Variants in ADAMTS7 observed in about 807,000 individuals in gnomAD.
ADAMTS7 encodes the protein A disintegrin and metalloproteinase with thrombospondin motifs 7.
A neutral mutation model predicts 172.6 loss-of-function variants in ADAMTS7; 89 were observed. The observed-to-expected ratio is 0.52, with a 90% CI of 0.43 to 0.61. The LOEUF is 0.61. ADAMTS7 is among the 20% of genes least tolerant of loss of function. The pLI is 0.00. For missense variants in ADAMTS7, 1,973 were observed against 2,355.6 expected (o/e 0.84, Z 3.36); for synonymous variants, 885 against 978.4 (o/e 0.90, Z 1.78).
chr15:78,808,798 G>C (rs2055829725), intron 1 of ADAMTS7, among the ~76,000 whole-genome samples: 1 of 152,196 alleles, frequency 6.6e-6, no homozygotes, highest in Admixed American at 6.5e-5. Flanking sequence ...CACCATTCAA[G>C]AGGACTGCCA....
Position 78,798,004 on chromosome 15 carries a change from G to T in ADAMTS7, c.566C>A (p.Pro189Gln). 6.3e-7 allele frequency: 1 copy of T among 1,587,758 alleles called. No homozygotes were observed. Among genetic ancestry groups the T allele is most frequent in the Non-Finnish European group, 8.5e-7 (1 of 1,169,970 alleles). ...ATCACCCCGCTGTGCCAGCCTCTCC[G>T]GGGCCTGACGCTTGTACACCACATG... ...QPHVVYKRQA[P>Q]ERLAQRGDSS... The change falls in exon 3 of 24, where the codon CCG becomes CAG. Residue 189 changes from proline to glutamine, a missense_variant. By Grantham distance (76) the Pro-to-Gln change is moderately conservative (BLOSUM62 -1). Coordinates refer to ENST00000388820, the MANE Select transcript of ADAMTS7 (RefSeq NM_014272.5).
intron 16 of ADAMTS7, among the ~76,000 whole-genome samples, chr15:78,768,999 G>A (rs1377213323): frequency 3.3e-5 from 5 of 152,162 alleles, no homozygotes; most frequent in African/African-American, 7.2e-5. Context: ...TGAAGAGCTC[G>A]TGGCTGGAGG....
At chr15:78,770,185 T>TAAATA (rs56251219) in intron 16 of ADAMTS7, among the ~76,000 whole-genome samples, 43,214 of 149,906 alleles carry the variant, frequency 0.29, 7,787 homozygotes, top group Non-Finnish European at 0.42. Context: ...TAAAATAAAA[T>TAAATA]AAATAAAATA....
intron 8 of ADAMTS7, among the ~76,000 whole-genome samples, chr15:78,786,079 G>GCCA (rs1227210728): frequency 1.3e-5 from 2 of 150,688 alleles, no homozygotes; most frequent in Non-Finnish European, 3.0e-5. Flanking sequence ...ACAGGCACAC[G>GCCA]CCACCACACC....
Position 78,759,389 on chromosome 15 carries a change from G to A in ADAMTS7, c.*32C>T. On this transcript the variant is annotated 3_prime_UTR_variant, in exon 24 of 24. Transcript: ENST00000388820. Reference sequence around the variant, plus strand: ...GCCACAGCCCGTGGTGGGCACTGAGGTCTGTCGGTCGGTCTGTGCATCCTG... The same window carrying A: ...GCCACAGCCCGTGGTGGGCACTGAGATCTGTCGGTCGGTCTGTGCATCCTG... 6.4e-7 allele frequency: 1 copy of A among 1,560,882 alleles called. No homozygotes were observed. Among genetic ancestry groups the A allele is most frequent in the East Asian group, 2.3e-5 (1 of 43,680 alleles).
At chr15:78,802,334 T>C (rs908572139) in intron 1 of ADAMTS7, among the ~76,000 whole-genome samples, 1 of 152,234 alleles carries the variant, frequency 6.6e-6, no homozygotes, top group African/African-American at 2.4e-5. Flanking sequence ...ATGGCAATTA[T>C]GATTGTTATG....
rs376444243 is a variant in ADAMTS7 at position 78,774,753 on chromosome 15, G to A, written c.1747C>T (p.Arg583Cys). ...GCCTGCAGGTTGCAGAGGCGGAAGC[G>A]CTTGCGCTCACCCACACAGTATCTG... ...KGRYCVGERK[R>C]FRLCNLQACP... is the part of the protein sequence containing the mutation. The change falls in exon 12 of 24, where the codon CGC becomes TGC. Residue 583 changes from arginine (R) to cysteine (C), a missense_variant. Arg to Cys is a radical substitution (Grantham distance 180). Around this residue, in one of 8 missense-constraint regions of ADAMTS7, gnomAD observed 526 missense variants for 662.9 expected, o/e 0.79. Coordinates refer to ENST00000388820, the MANE Select transcript of ADAMTS7 (RefSeq NM_014272.5). The A allele has an allele frequency of 5.0e-6, 8 of 1,611,100 alleles. No individual in the cohort carries two copies. Among genetic ancestry groups the A allele is most frequent in the South Asian group, 2.2e-5 (2 of 90,942 alleles).
chr15:78,805,056 T>C (rs1166916911), intron 1 of ADAMTS7, among the ~76,000 whole-genome samples: 1 of 152,198 alleles, frequency 6.6e-6, no homozygotes, highest in Non-Finnish European at 1.5e-5. Context: ...GAGATTCTGG[T>C]TGCACAGATC....
chr15:78,769,840 G>T (rs557274652), intron 16 of ADAMTS7, among the ~76,000 whole-genome samples: 44 of 152,366 alleles, frequency 2.9e-4, no homozygotes, highest in African/African-American at 1.0e-3. Flanking sequence ...AAGTGTATTT[G>T]TTGGTTTTCA....
At position 78,807,195 on chromosome 15, in the gene ADAMTS7, G is replaced by C. The variant is rs114900232; in HGVS notation, c.100+3926C>G. ...CAACCAGCTCTAAAATTCTCAACTG[G>C]GGGAGCTACATGACACTCTTTTAGG... On this transcript the variant is annotated intron_variant, in intron 1 of 23. Coordinates refer to ENST00000388820, the MANE Select transcript of ADAMTS7 (RefSeq NM_014272.5). Among the ~76,000 whole-genome samples, 524 of 152,296 alleles carry C rather than the reference G, an allele frequency of 3.4e-3. 2 individuals are homozygous for C. Among genetic ancestry groups the C allele is most frequent in the African/African-American group, 0.012 (509 of 41,560 alleles).
At chr15:78,805,395 T>C (rs1411902488) in intron 1 of ADAMTS7, among the ~76,000 whole-genome samples, 4 of 152,224 alleles carry the variant, frequency 2.6e-5, no homozygotes, top group Non-Finnish European at 5.9e-5. Context: ...TTGAAAAGTC[T>C]TATCATCCAT....
intron 8 of ADAMTS7, among the ~76,000 whole-genome samples, chr15:78,783,090 G>A (rs1009261233): frequency 1.6e-4 from 24 of 152,064 alleles, no homozygotes; most frequent in Admixed American, 1.4e-3. Context: ...GATTCCTCTC[G>A]GAAAACTGAA....
chr15:78,790,107 C>T (rs2055558594), intron 6 of ADAMTS7, among the ~76,000 whole-genome samples: 1 of 152,196 alleles, frequency 6.6e-6, no homozygotes, highest in African/African-American at 2.4e-5. Flanking sequence ...TGACAGATGC[C>T]TCCAGAGTCC....
chr15:78,780,781 G>A (rs1043420279), intron 8 of ADAMTS7, among the ~76,000 whole-genome samples: 3 of 152,168 alleles, frequency 2.0e-5, no homozygotes, highest in Non-Finnish European at 2.9e-5. Context: ...CTTCTTCCTC[G>A]GCGTGGAAGC....
chr15:78,803,214 G>C (rs959594026), intron 1 of ADAMTS7, among the ~76,000 whole-genome samples: 10 of 151,706 alleles, frequency 6.6e-5, no homozygotes, highest in African/African-American at 1.9e-4. Context: ...AAAAAAATTA[G>C]CCAGGCAAGG....
At chr15:78,770,154 C>A (rs2055222896) in intron 16 of ADAMTS7, among the ~76,000 whole-genome samples, 1 of 151,608 alleles carries the variant, frequency 6.6e-6, no homozygotes, top group South Asian at 2.1e-4. Flanking sequence ...CAGAGTGAGA[C>A]TCCATCTCTA....
intron 12 of ADAMTS7, 93 bp from the exon 13 acceptor site, chr15:78,774,393 G>GGCTGGAGGCTCCCAAGCAGCACCAACAT: frequency 6.9e-7 from 1 of 1,451,594 alleles, no homozygotes; most frequent in East Asian, 2.5e-5. Context: ...ATCCATGGCA[G>GGCTGGAGGCTCCCAAGCAGCACCAACAT]GCTGGAGGCT....
chr15:78,784,141 G>A (rs568618290), intron 8 of ADAMTS7, among the ~76,000 whole-genome samples: 1 of 152,004 alleles, frequency 6.6e-6, no homozygotes, highest in Non-Finnish European at 1.5e-5. Flanking sequence ...AGCTGAGGGA[G>A]GAGTCCAGAA....
intron 17 of ADAMTS7, 31 bp from the exon 18 acceptor site, chr15:78,767,623 G>A (rs1484994651): frequency 1.3e-6 from 2 of 1,509,360 alleles, no homozygotes; most frequent in South Asian, 2.6e-5. Context: ...GCATCAGTGT[G>A]GCATCAGACA....
Sources: allele counts gnomAD v4.1 joint callset (sites outside exome capture counted in the v4.1 genomes callset), GRCh38; gene constraint gnomAD v4.1.1; regional missense constraint gnomAD v4.1.1; transcripts MANE v1.5; gene names NCBI Gene and HGNC (gene_info 2026-07-23, HGNC 2026-07-21).